Variants in GALNT16 observed in about 807,000 individuals in gnomAD.
GALNT16 encodes the protein UDP-GalNAc:polypeptide N-acetylgalactosaminyltransferase-like protein 1.
In GALNT16, 40 loss-of-function variants were observed where a neutral mutation model predicts 76.1. The ratio of observed to expected loss-of-function variants is 0.53; its 90% CI spans 0.41 to 0.68. The LOEUF (loss-of-function observed/expected upper bound fraction) is 0.68, where lower values mean the gene tolerates loss of function less well. Among genes scored for constraint, GALNT16 ranks in the 30% least tolerant of loss-of-function variants. The pLI is 0.00. For missense variants in GALNT16, 621 were observed against 731.9 expected, an observed-to-expected ratio of 0.85 and a Z score of 1.75; for synonymous variants, 276 against 285.2, an observed-to-expected ratio of 0.97 and a Z score of 0.32.
At chr14:69,271,953 C>T (rs2044412047) in intron 1 of GALNT16, among the ~76,000 whole-genome samples, 1 of 152,178 alleles carries the variant, frequency 6.6e-6, no homozygotes, top group Non-Finnish European at 1.5e-5. Context: ...TTAATTTCGT[C>T]TGTTTCTTTT....
intron 9 of GALNT16, among the ~76,000 whole-genome samples, chr14:69,334,700 G>C (rs925172844): frequency 1.3e-5 from 2 of 152,118 alleles, no homozygotes; most frequent in Non-Finnish European, 2.9e-5. Flanking sequence ...CATGGCACCA[G>C]GTGGAGAGTG....
At chr14:69,376,263 T>C in the GALNT16 span, among the ~76,000 whole-genome samples, 4 of 152,190 alleles carry the variant, frequency 2.6e-5, no homozygotes, top group Non-Finnish European at 4.4e-5. Flanking sequence ...AAGGGACCAC[T>C]GGTCTTATTA....
the GALNT16 span, chr14:69,380,518 C>G: frequency 7.4e-7 from 1 of 1,345,200 alleles, no homozygotes; most frequent in Non-Finnish European, 1.1e-6. Context: ...ACCCCAACCC[C>G]CCCAGTGCTT....
At chr14:69,305,625 G>GT (rs915229062) in intron 1 of GALNT16, among the ~76,000 whole-genome samples, 9 of 151,248 alleles carry the variant, frequency 6.0e-5, no homozygotes, top group Non-Finnish European at 1.0e-4. Context: ...TTTTGTTTTT[G>GT]TTTTTTTTAA....
chr14:69,373,537 G>A, the GALNT16 span, among the ~76,000 whole-genome samples: 1 of 152,188 alleles, frequency 6.6e-6, no homozygotes. Context: ...TTACAAAAAA[G>A]AAAGGGTATG....
chr14:69,317,696 G>A (rs55820856), intron 1 of GALNT16, among the ~76,000 whole-genome samples: 17,414 of 152,152 alleles, frequency 0.11, 1,104 homozygotes, highest in African/African-American at 0.17. Context: ...TGACTTGGGT[G>A]GAACTGCTCA....
intron 1 of GALNT16, among the ~76,000 whole-genome samples, chr14:69,309,205 A>C (rs1408960464): frequency 2.0e-5 from 3 of 152,130 alleles, no homozygotes; most frequent in Admixed American, 1.3e-4. Context: ...GAAATGCATA[A>C]GGCAAGATAT....
the GALNT16 span, among the ~76,000 whole-genome samples, chr14:69,373,484 T>C: frequency 3.1e-4 from 47 of 152,310 alleles, no homozygotes; most frequent in Admixed American, 2.6e-4. Flanking sequence ...AAACCAACCT[T>C]TTCACAGTAT....
At chr14:69,382,603 G>A in the GALNT16 span, among the ~76,000 whole-genome samples, 1 of 151,878 alleles carries the variant, frequency 6.6e-6, no homozygotes, top group Non-Finnish European at 1.5e-5. Flanking sequence ...GGAGGCTGAG[G>A]CAGGCGGGCC....
At chr14:69,378,186 G>C in the GALNT16 span, among the ~76,000 whole-genome samples, 1 of 152,220 alleles carries the variant, frequency 6.6e-6, no homozygotes, top group South Asian at 2.1e-4. Flanking sequence ...CAGAGAACTG[G>C]AAGGGAAGTG....
chr14:69,367,421 G>A, the GALNT16 span, among the ~76,000 whole-genome samples: 1 of 151,754 alleles, frequency 6.6e-6, no homozygotes, highest in Non-Finnish European at 1.5e-5. Flanking sequence ...TCCATGTGAG[G>A]GTACAACAAG....
chr14:69,284,449 C>A (rs1266790893), intron 1 of GALNT16, among the ~76,000 whole-genome samples: 1 of 152,146 alleles, frequency 6.6e-6, no homozygotes, highest in Non-Finnish European at 1.5e-5. Context: ...ATTGGGGAGC[C>A]AGGGCCAGGA....
chr14:69,289,751 T>C (rs2044665495), intron 1 of GALNT16, among the ~76,000 whole-genome samples: 1 of 152,136 alleles, frequency 6.6e-6, no homozygotes, highest in South Asian at 2.1e-4. Context: ...GTTATTTACT[T>C]ATTTGGAGAT....
intron 1 of GALNT16, among the ~76,000 whole-genome samples, chr14:69,319,205 G>C (rs969973550): frequency 6.6e-6 from 1 of 152,178 alleles, no homozygotes; most frequent in Non-Finnish European, 1.5e-5. Context: ...GGCAACCCTA[G>C]AAGGTAGTAT....
At chr14:69,285,056 T>TTG (rs1237277312) in intron 1 of GALNT16, among the ~76,000 whole-genome samples, 1 of 150,676 alleles carries the variant, frequency 6.6e-6, no homozygotes, top group Admixed American at 6.6e-5. Context: ...TTTTTTTTTT[T>TTG]TTGAGACGGA....
chr14:69,306,260 T>TGAGCCAATTTC (rs1162718328), intron 1 of GALNT16, among the ~76,000 whole-genome samples: 3 of 152,260 alleles, frequency 2.0e-5, no homozygotes, highest in Non-Finnish European at 4.4e-5. Context: ...AATAACTTAC[T>TGAGCCAATTTC]GAGCCAATTT....
chr14:69,269,512 G>C (rs2044379287), intron 1 of GALNT16, among the ~76,000 whole-genome samples: 1 of 150,360 alleles, frequency 6.7e-6, no homozygotes, highest in Non-Finnish European at 1.5e-5. Context: ...TTGTGTGTGT[G>C]TGATGTGTGG....
At chr14:69,291,821 G>A (rs112640688) in intron 1 of GALNT16, among the ~76,000 whole-genome samples, 124 of 152,268 alleles carry the variant, frequency 8.1e-4, no homozygotes, top group African/African-American at 2.9e-3. Context: ...TATAAGAGCC[G>A]AACTGAGAAA....
chr14:69,336,025 G>A (rs1276430860), intron 9 of GALNT16, among the ~76,000 whole-genome samples: 1 of 152,128 alleles, frequency 6.6e-6, no homozygotes, highest in Non-Finnish European at 1.5e-5. Context: ...TGGCTACAGG[G>A]TATCTGCCTT....
Sources: gnomAD v4.1 joint callset for allele counts (sites outside exome capture counted in the v4.1 genomes callset) on GRCh38, gnomAD v4.1.1 for gene constraint, MANE v1.5 for transcripts, NCBI Gene and HGNC (gene_info 2026-07-23, HGNC 2026-07-21) for gene names.